PIEZO2: variants seen among roughly 807,000 people sequenced by gnomAD.
PIEZO2 encodes the protein piezo type mechanosensitive ion channel component 2.
Under a neutral mutation model 337.3 loss-of-function variants are expected in PIEZO2, and 172 were observed. The ratio of observed to expected loss-of-function variants is 0.51; its 90% CI spans 0.45 to 0.58. The LOEUF is 0.58. PIEZO2 is among the 20% of genes least tolerant of loss of function. PIEZO2 has a pLI of 0.00. For synonymous variants in PIEZO2, 1,251 were observed against 1,228.5 expected (o/e 1.02, Z -0.38); for missense variants, 3,028 against 3,391.3 (o/e 0.89, Z 2.66).
chr18:10,794,172 G>GA lies in PIEZO2; in HGVS notation c.1758+599_1758+600insT, dbSNP rs572097256. Among the ~76,000 whole-genome samples the GA allele has an allele frequency of 5.5e-3, 835 of 152,216 alleles. 3 individuals carry two copies. Among genetic ancestry groups the GA allele is most frequent in the Non-Finnish European group, 9.2e-3 (625 of 68,002 alleles). The stretch of plus-strand genomic sequence containing the variant: ...CTGTTAACAAAACAAACAGTAAGTT[G>GA]GGAAACCTAATCTTTTGAAATAAAA... On this transcript the variant is annotated intron_variant, in intron 13 of 55. Coordinates refer to ENST00000674853, the MANE Select transcript of PIEZO2 (RefSeq NM_001378183.1). This position sits in a 1 kb window ranked among gnomAD's most constrained non-coding sequence, Gnocchi z 6.6.
In PIEZO2 at chr18:10,907,626, G is replaced by C. The variant is rs189438705; in HGVS notation, c.329+3560C>G. On this transcript the variant is annotated intron_variant, in intron 4 of 55. Transcript: ENST00000674853. Reference sequence around the variant, plus strand: ...GTTGTATTAAGCCACCAAGAATTTGGGCCATTTTAGCTCCAAGCTTGTTGG... The same window carrying C: ...GTTGTATTAAGCCACCAAGAATTTGCGCCATTTTAGCTCCAAGCTTGTTGG... Among the ~76,000 whole-genome samples, 293 of 152,108 alleles carry C rather than the reference G, an allele frequency of 1.9e-3. No homozygotes were observed. In the Middle Eastern group the frequency reaches 0.024, roughly 12 times the overall value.
In PIEZO2 at chr18:11,009,878, G is replaced by A. The variant is rs368479103; in HGVS notation, c.161-30218C>T. On this transcript the variant is annotated intron_variant, in intron 2 of 55. Coordinates refer to ENST00000674853, the MANE Select transcript of PIEZO2 (RefSeq NM_001378183.1). The surrounding 1 kb of genome is among the most constrained non-coding windows in gnomAD (Gnocchi z 4.6). ...CGCATGGAGACACAAAGAGAAGACA[G>A]CCATCTGCGAGCCAAAGAGAGAGGC... Among the ~76,000 whole-genome samples the A allele has an allele frequency of 3.9e-5, 6 of 152,224 alleles. No homozygotes were observed. In the East Asian group the frequency reaches 1.2e-3, roughly 29 times the overall value.
intron 3 of PIEZO2, among the ~76,000 whole-genome samples, chr18:10,927,393 G>A (rs1432957727): frequency 6.6e-6 from 1 of 152,194 alleles, no homozygotes; most frequent in African/African-American, 2.4e-5. Context: ...AAGGAGACAG[G>A]TTGCAGCGCA....
chr18:10,778,797 G>A (rs2038880293), intron 18 of PIEZO2, among the ~76,000 whole-genome samples: 1 of 152,178 alleles, frequency 6.6e-6, no homozygotes. Flanking sequence ...TTGGGATAAG[G>A]GGCATAAGCT....
At position 11,109,099 on chromosome 18, in the gene PIEZO2, T is replaced by A. The variant is rs1210594163; in HGVS notation, c.64+39426A>T. Among the ~76,000 whole-genome samples, 1 of 152,176 alleles carries A rather than the reference T, an allele frequency of 6.6e-6. No individual in the cohort carries two copies. The highest frequency in any genetic ancestry group is 1.5e-5 in the Non-Finnish European group (1 of 68,034). ...GCATCCTGGGCAAAGGGTGACATCA[T>A]GTCAGAGAACTATGCATCCCTCTCC... On this transcript the variant is annotated intron_variant, in intron 1 of 55. Coordinates refer to ENST00000674853, the MANE Select transcript of PIEZO2 (RefSeq NM_001378183.1). The surrounding 1 kb of genome is among the most constrained non-coding windows in gnomAD (Gnocchi z 5.1).
In PIEZO2 at chr18:10,727,120, C is replaced by A; in HGVS notation, c.5029+4287G>T. 1 of 450,584 alleles carries A rather than the reference C, an allele frequency of 2.2e-6. No homozygotes were observed. The highest frequency in any genetic ancestry group is 3.9e-6 in the Non-Finnish European group (1 of 259,086). The allele number at this position is 450,584 out of a possible 1,614,324, so 27.9% of individuals were successfully genotyped here. Reference sequence around the variant, plus strand: ...AGGGTTTGTGTCCCTTGCTAGCCTCCCTGGGGCCTGGGGATCTGCAGCAGC... The same window carrying A: ...AGGGTTTGTGTCCCTTGCTAGCCTCACTGGGGCCTGGGGATCTGCAGCAGC... On this transcript the variant is annotated intron_variant, in intron 36 of 55. Coordinates refer to ENST00000674853, the MANE Select transcript of PIEZO2 (RefSeq NM_001378183.1). The surrounding 1 kb of genome is among the most constrained non-coding windows in gnomAD (Gnocchi z 6.3).
Position 11,149,254 on chromosome 18 carries a change from G to A in PIEZO2, c.-666C>T, listed in dbSNP as rs1383760295. Among the ~76,000 whole-genome samples the A allele has an allele frequency of 6.6e-6, 1 of 151,942 alleles. No homozygotes were observed. The highest frequency in any genetic ancestry group is 1.5e-5 in the Non-Finnish European group (1 of 67,966). On this transcript the variant is annotated 5_prime_UTR_variant, in exon 1 of 56. Coordinates refer to ENST00000674853, the MANE Select transcript of PIEZO2 (RefSeq NM_001378183.1). This position sits in a 1 kb window ranked among gnomAD's most constrained non-coding sequence, Gnocchi z 8.7. ...GCGCCCCCCAGCTTCGGGCCGGAGA[G>A]ACCGGGGTGGGAGCTGCCAGGCGCG...
intron 2 of PIEZO2, among the ~76,000 whole-genome samples, chr18:10,994,169 A>C (rs2035215143): frequency 6.6e-6 from 1 of 152,222 alleles, no homozygotes; most frequent in Admixed American, 6.5e-5. Context: ...TCCCAGTTGC[A>C]GTGAATGCCA....
At chr18:10,957,928 T>C (rs770036153) in intron 3 of PIEZO2, among the ~76,000 whole-genome samples, 1 of 152,188 alleles carries the variant, frequency 6.6e-6, no homozygotes. Context: ...ACATCTTCAG[T>C]CATCAGGGAA....
intron 3 of PIEZO2, among the ~76,000 whole-genome samples, chr18:10,948,367 C>T (rs933113669): frequency 6.6e-6 from 1 of 151,992 alleles, no homozygotes; most frequent in African/African-American, 2.4e-5. Context: ...AGAAGACTTA[C>T]TAAAGGGTAT....
At chr18:10,881,401 C>A (rs938592960) in intron 4 of PIEZO2, among the ~76,000 whole-genome samples, 1 of 152,176 alleles carries the variant, frequency 6.6e-6, no homozygotes, top group South Asian at 2.1e-4. Context: ...TATGAGGCAG[C>A]AGGTCTGTTA....
At chr18:10,967,542 G>A (rs1370383156) in intron 3 of PIEZO2, among the ~76,000 whole-genome samples, 1 of 152,140 alleles carries the variant, frequency 6.6e-6, no homozygotes, top group Non-Finnish European at 1.5e-5. Flanking sequence ...TTCCACAGTG[G>A]TTGTACTAGT....
chr18:10,691,541 CA>C (rs1321224120), intron 47 of PIEZO2, among the ~76,000 whole-genome samples, 158 bp from the exon 48 acceptor site: 1 of 151,774 alleles, frequency 6.6e-6, no homozygotes, highest in Admixed American at 6.6e-5. Context: ...ACTTCAAAGG[CA>C]AAAGGTGGGA....
chr18:10,994,831 C>G (rs2035247393), intron 2 of PIEZO2, among the ~76,000 whole-genome samples: 1 of 151,858 alleles, frequency 6.6e-6, no homozygotes, highest in South Asian at 2.1e-4. Context: ...CCTGTAATCC[C>G]AGCACTTTGG....
At chr18:10,892,682 G>C (rs987882285) in intron 4 of PIEZO2, among the ~76,000 whole-genome samples, 3 of 152,066 alleles carry the variant, frequency 2.0e-5, no homozygotes, top group Non-Finnish European at 4.4e-5. Context: ...GAGAGGGGCG[G>C]GGGTGAGGGA....
rs1263689119 is a variant in PIEZO2 at position 10,671,291 on chromosome 18, AACATAAAGCAAGT to A, written c.*223_*235del. The stretch of plus-strand genomic sequence containing the variant: ...CAGAATGCGAGACACTGTTGACTAA[AACATAAAGCAAGT>A]AGCCCTGATTTCAGAGAAATGGAGT... On this transcript the variant is annotated 3_prime_UTR_variant, in exon 56 of 56. Coordinates refer to ENST00000674853, the MANE Select transcript of PIEZO2 (RefSeq NM_001378183.1). The A allele has an allele frequency of 3.7e-5, 15 of 402,710 alleles. No individual in the cohort carries two copies. The highest frequency in any genetic ancestry group is 6.7e-5 in the Non-Finnish European group (15 of 225,472). The allele number at this position is 402,710 out of a possible 1,614,324, so 24.9% of individuals were successfully genotyped here.
intron 27 of PIEZO2, among the ~76,000 whole-genome samples, chr18:10,755,567 G>A (rs543089388): frequency 1.2e-4 from 19 of 152,268 alleles, no homozygotes; most frequent in South Asian, 4.1e-4. Flanking sequence ...ATCTCAATAC[G>A]GAAACCCAGG....
chr18:10,804,702 A>G (rs1214226095), intron 8 of PIEZO2, among the ~76,000 whole-genome samples: 8 of 152,160 alleles, frequency 5.3e-5, no homozygotes, highest in African/African-American at 7.2e-5. Flanking sequence ...GGGGCCACAT[A>G]TTACACTGAA....
intron 3 of PIEZO2, among the ~76,000 whole-genome samples, chr18:10,947,000 T>G (rs966821503): frequency 2.0e-5 from 3 of 151,816 alleles, no homozygotes; most frequent in Admixed American, 2.0e-4. Context: ...ATGGAAAATT[T>G]TAATACAAAA....
Sources: allele counts gnomAD v4.1 joint callset (sites outside exome capture counted in the v4.1 genomes callset), GRCh38; gene constraint gnomAD v4.1.1; non-coding constraint Gnocchi (gnomAD v3.1); transcripts MANE v1.5; gene names NCBI Gene and HGNC (gene_info 2026-07-23, HGNC 2026-07-21).